Variants in TRAF7 observed in about 807,000 individuals in gnomAD.
The protein encoded by TRAF7 is E3 ubiquitin-protein ligase TRAF7.
In TRAF7, 45 loss-of-function variants were observed where a neutral mutation model predicts 89.3. The observed-to-expected ratio is 0.50, with a 90% confidence interval of 0.40 to 0.65. TRAF7 has a LOEUF of 0.65. TRAF7 is among the 30% of genes least tolerant of loss of function. The pLI, the probability that TRAF7 is intolerant of heterozygous loss-of-function variation, is 0.00. For missense variants in TRAF7, 677 were observed against 918.1 expected, an observed-to-expected ratio of 0.74 and a Z score of 3.39; for synonymous variants, 406 against 369.2, an observed-to-expected ratio of 1.10 and a Z score of -1.14.
At chr16:2,157,988 C>T (rs547288009) in intron 1 of TRAF7, among the ~76,000 whole-genome samples, 5 of 152,284 alleles carry the variant, frequency 3.3e-5, no homozygotes, top group Middle Eastern at 3.4e-3. Flanking sequence ...GGCTCTATTC[C>T]GTTTTTCGAG....
chr16:2,173,661 C>T, intron 11 of TRAF7, 107 bp downstream of exon 11: 1 of 1,571,648 alleles, frequency 6.4e-7, no homozygotes, highest in Non-Finnish European at 8.7e-7. Context: ...GATCAGGGGT[C>T]TTGTGTGTGG....
Position 2,172,584 on chromosome 16 carries a change from C to G in TRAF7, c.779C>G (p.Pro260Arg). The G allele has an allele frequency of 6.5e-7, 1 of 1,550,238 alleles. No individual in the cohort carries two copies. The part of the protein sequence containing the change: ...HLKECEHIKC[P>R]HSKYGCTFIG... ...AAGGAGTGCGAGCACATCAAATGCCCCCACTCCAAGTACGGGTGAGTGGGG... is the reference window on the plus strand; with the variant it reads ...AAGGAGTGCGAGCACATCAAATGCCGCCACTCCAAGTACGGGTGAGTGGGG... Residue 260 changes from proline (P) to arginine (R), a missense_variant, in exon 9 of 21, where the codon CCC (proline) becomes CGC (arginine). Transcript: ENST00000326181.
rs1035061371 is a variant in TRAF7 at position 2,178,041 on chromosome 16, A to G, written c.*1467A>G. ...GAATCAATAATATTTCTTTCTTTAA[A>G]TATATATTTGTTAAAGTTATACCTT... On this transcript the variant is annotated 3_prime_UTR_variant, in exon 21 of 21. Coordinates refer to ENST00000326181, the MANE Select transcript of TRAF7 (RefSeq NM_032271.3). 2.0e-5 allele frequency: 9 copies of G among 456,694 alleles called. No individual in the cohort carries two copies. Among genetic ancestry groups the G allele is most frequent in the East Asian group, 4.8e-5 (1 of 20,766 alleles). The allele number at this position is 456,694 out of a possible 1,614,324, so 28.3% of individuals were successfully genotyped here.
intron 9 of TRAF7, 32 bp downstream of exon 9, chr16:2,172,631 G>GT: frequency 3.0e-6 from 4 of 1,332,166 alleles, no homozygotes; most frequent in South Asian, 1.3e-5. Context: ...GTGGGCCGGG[G>GT]TGGGCGCAGG....
chr16:2,172,146 G>A lies in TRAF7; in HGVS notation c.476-45G>A, dbSNP rs756838251. ...CTCATGCCCACCCGGGTGAGGGAGC[G>A]TGTGCCAGGCAGGCCGTGAGGGTCA... On this transcript the variant is annotated intron_variant, in intron 7 of 20. Transcript: ENST00000326181. The A allele has an allele frequency of 3.8e-5, 61 of 1,609,272 alleles. 1 individual carries two copies. Among genetic ancestry groups the A allele is most frequent in the Middle Eastern group, 3.3e-4 (2 of 6,054 alleles).
At chr16:2,174,985 C>T (rs1466935492) in intron 14 of TRAF7, 126 bp from the exon 15 acceptor site, 1 of 1,166,956 alleles carries the variant, frequency 8.6e-7, no homozygotes, top group Non-Finnish European at 1.3e-6. Flanking sequence ...AAGGACACAG[C>T]AGTGGCCTTG....
rs557883672 is a variant in TRAF7, at chr16:2,158,773, G to A, written c.-39+2915G>A. ...ACTGGGAAGCGTGGGCTCGGCGGGG[G>A]GGGGGGGGACACTGCCACCCTTGGC... On this transcript the variant is annotated intron_variant, in intron 1 of 20. Coordinates refer to ENST00000326181, the MANE Select transcript of TRAF7 (RefSeq NM_032271.3). The surrounding 1 kb of genome is among the most constrained non-coding windows in gnomAD (Gnocchi z 4.7). Among the ~76,000 whole-genome samples the A allele has an allele frequency of 6.6e-6, 1 of 151,326 alleles. No homozygotes were observed. Among genetic ancestry groups the A allele is most frequent in the East Asian group, 1.9e-4 (1 of 5,136 alleles).
In TRAF7 at chr16:2,168,324, A is replaced by T; in HGVS notation, c.231+156A>T. 1.7e-6 allele frequency: 1 copy of T among 605,504 alleles called. No homozygotes were observed. The highest frequency in any genetic ancestry group is 2.8e-6 in the Non-Finnish European group (1 of 355,128). The allele number at this position is 605,504 out of a possible 1,614,324, so 37.5% of individuals were successfully genotyped here. On this transcript the variant is annotated intron_variant, in intron 4 of 20. Coordinates refer to ENST00000326181, the MANE Select transcript of TRAF7 (RefSeq NM_032271.3). The surrounding 1 kb of genome is among the most constrained non-coding windows in gnomAD (Gnocchi z 4.1). Reference sequence around the variant, plus strand: ...CCCTGAGGCCTCGGCAGACATGGCAAGTCTGTGAGAAAGGAGGCTCCTGTG... The same window carrying T: ...CCCTGAGGCCTCGGCAGACATGGCATGTCTGTGAGAAAGGAGGCTCCTGTG...
chr16:2,162,928 TG>T lies in TRAF7; in HGVS notation c.-38-954del, dbSNP rs1395032756. On this transcript the variant is annotated intron_variant, in intron 1 of 20. Transcript: ENST00000326181. The surrounding 1 kb of genome is among the most constrained non-coding windows in gnomAD (Gnocchi z 5.0). Reference sequence around the variant, plus strand: ...CTGCCCAAGTCCTGAAAGTGGGACCTGCTCGGGAGGAGGGGCGCCTGCTGAC... The same window carrying T: ...CTGCCCAAGTCCTGAAAGTGGGACCTCTCGGGAGGAGGGGCGCCTGCTGAC... 4.0e-5 allele frequency among the ~76,000 whole-genome samples: 6 copies of T among 151,774 alleles called. No individual in the cohort carries two copies. Among genetic ancestry groups the T allele is most frequent in the African/African-American group, 1.4e-4 (6 of 41,440 alleles).
At chr16:2,175,808 A>G (rs2141296628) in intron 17 of TRAF7, 26 bp from the exon 18 acceptor site, 1 of 1,610,852 alleles carries the variant, frequency 6.2e-7, no homozygotes, top group Non-Finnish European at 8.5e-7. Context: ...CTGGCCTGGG[A>G]CCAACTGGCC....
chr16:2,178,072 T>A lies in TRAF7; in HGVS notation c.*1498T>A. 1 of 486,536 alleles carries A rather than the reference T, an allele frequency of 2.1e-6. No homozygotes were observed. The highest frequency in any genetic ancestry group is 1.7e-5 in the South Asian group (1 of 60,122). 30.1% of individuals were successfully genotyped at this position (486,536 alleles called of 1,614,324 possible). A position where few individuals can be genotyped will look rare whatever the true frequency, so the allele number is the denominator to read the frequency against. ...ATTTGTTAAAGTTATACCTTTTTGT[T>A]TCTCTGGGGAAATCCGCCTCAGCTC... On this transcript the variant is annotated 3_prime_UTR_variant, in exon 21 of 21. Transcript: ENST00000326181.
chr16:2,174,454 G>A, intron 14 of TRAF7, 121 bp downstream of exon 14: 1 of 895,820 alleles, frequency 1.1e-6, no homozygotes, highest in South Asian at 1.6e-5. Context: ...CACCTATAGG[G>A]CACCCTCCAC....
chr16:2,160,763 G>T (rs572745788), intron 1 of TRAF7, among the ~76,000 whole-genome samples: 38 of 152,222 alleles, frequency 2.5e-4, no homozygotes, highest in African/African-American at 8.9e-4. Flanking sequence ...AGAATTGAAG[G>T]GGAATTCTCA....
chr16:2,176,416 G>A lies in TRAF7; in HGVS notation c.1998+32G>A, dbSNP rs773055559. ...GCCCGTGGCTCAGGCCATTCAAAGG[G>A]GCTGCACAGGATGGAGCGGGGGTGG... On this transcript the variant is annotated intron_variant, in intron 20 of 20. Transcript: ENST00000326181. 5 of 1,611,596 alleles carry A rather than the reference G, an allele frequency of 3.1e-6. No homozygotes were observed. In the South Asian group the frequency reaches 3.3e-5, roughly 11 times the overall value.
In TRAF7 at chr16:2,162,653, C is replaced by T. The variant is rs2093062454; in HGVS notation, c.-38-1230C>T. On this transcript the variant is annotated intron_variant, in intron 1 of 20. Coordinates refer to ENST00000326181, the MANE Select transcript of TRAF7 (RefSeq NM_032271.3). The surrounding 1 kb of genome is among the most constrained non-coding windows in gnomAD (Gnocchi z 5.0). Reference sequence around the variant, plus strand: ...CGCAGGAGTGGGCTCCCTGCTGCTGCACCGCCCCCAGAGCAAGCTTGTTCT... The same window carrying T: ...CGCAGGAGTGGGCTCCCTGCTGCTGTACCGCCCCCAGAGCAAGCTTGTTCT... 6.6e-6 allele frequency among the ~76,000 whole-genome samples: 1 copy of T among 152,068 alleles called. No individual in the cohort carries two copies. The highest frequency in any genetic ancestry group is 2.1e-4 in the South Asian group (1 of 4,830).
chr16:2,164,169 C>CGCGCGCGCGCGCACGCGT (rs1050423684), intron 2 of TRAF7, among the ~76,000 whole-genome samples, 168 bp downstream of exon 2: 12 of 109,696 alleles, frequency 1.1e-4, no homozygotes, highest in Non-Finnish European at 2.0e-4. Flanking sequence ...TGCGCGCGCG[C>CGCGCGCGCGCGCACGCGT]GCGCGCGCGC....
At chr16:2,169,384 C>G (rs1314445487) in intron 4 of TRAF7, among the ~76,000 whole-genome samples, 1 of 152,150 alleles carries the variant, frequency 6.6e-6, no homozygotes, top group Non-Finnish European at 1.5e-5. Flanking sequence ...TCCCCTGGGC[C>G]TCTGCCTGCC....
At chr16:2,175,751 A>G (rs2093133024) in intron 17 of TRAF7, 83 bp from the exon 18 acceptor site, 2 of 1,595,678 alleles carry the variant, frequency 1.3e-6, no homozygotes, top group Non-Finnish European at 1.7e-6. Context: ...TGGGCTGCCC[A>G]GCAGTGCTGA....
At chr16:2,171,002 C>T (rs1300458748) in intron 5 of TRAF7, among the ~76,000 whole-genome samples, 1 of 152,236 alleles carries the variant, frequency 6.6e-6, no homozygotes, top group Non-Finnish European at 1.5e-5. Context: ...CTAGTCTCAC[C>T]CCAGGAAGGA....
Sources: allele counts gnomAD v4.1 joint callset (sites outside exome capture counted in the v4.1 genomes callset), GRCh38; gene constraint gnomAD v4.1.1; non-coding constraint Gnocchi (gnomAD v3.1); transcripts MANE v1.5; gene names NCBI Gene and HGNC (gene_info 2026-07-23, HGNC 2026-07-21).